Variants in TLK2 observed in about 807,000 individuals in gnomAD.
The protein encoded by TLK2 is serine/threonine-protein kinase tousled-like 2.
In TLK2, 6 loss-of-function variants were observed where a neutral mutation model predicts 117.3. The ratio of observed to expected loss-of-function variants is 0.05; its 90% CI spans 0.03 to 0.10. The LOEUF (loss-of-function observed/expected upper bound fraction) is 0.10. TLK2 is among the 10% of genes least tolerant of loss of function. TLK2 has a pLI of 1.00. For synonymous variants in TLK2, 257 were observed against 316.7 expected, an observed-to-expected ratio of 0.81 and a Z score of 2.00; for missense variants, 299 against 901.2, an observed-to-expected ratio of 0.33 and a Z score of 8.56.
At chr17:62,473,204 G>C (rs1484077235) in intron 1 of TLK2, among the ~76,000 whole-genome samples, 3 of 152,166 alleles carry the variant, frequency 2.0e-5, no homozygotes, top group African/African-American at 7.2e-5. Context: ...TCACTGCAGA[G>C]AAGGGCATAG....
chr17:62,541,190 G>C (rs1431913293), intron 7 of TLK2, among the ~76,000 whole-genome samples: 1 of 152,118 alleles, frequency 6.6e-6, no homozygotes, highest in Admixed American at 6.5e-5. Context: ...CTGTTACTGA[G>C]CTCCTAGGCC....
chr17:62,590,395 C>T (rs1258717545), intron 16 of TLK2, among the ~76,000 whole-genome samples: 4 of 152,054 alleles, frequency 2.6e-5, no homozygotes, highest in Non-Finnish European at 4.4e-5. Flanking sequence ...GCCAAGATCG[C>T]GCCACTGTAT....
At chr17:62,574,866 CA>C (rs1167047852) in intron 12 of TLK2, among the ~76,000 whole-genome samples, 2 of 152,082 alleles carry the variant, frequency 1.3e-5, no homozygotes, top group Non-Finnish European at 2.9e-5. Flanking sequence ...AAAGACTAGT[CA>C]AGTGCAATAA....
intron 4 of TLK2, among the ~76,000 whole-genome samples, chr17:62,522,735 CA>C (rs1443618202): frequency 6.6e-6 from 1 of 152,076 alleles, no homozygotes; most frequent in Non-Finnish European, 1.5e-5. Flanking sequence ...GTTATAATGC[CA>C]AATATCTTTA....
At chr17:62,541,702 A>G (rs1299806580) in intron 7 of TLK2, among the ~76,000 whole-genome samples, 2 of 152,086 alleles carry the variant, frequency 1.3e-5, no homozygotes, top group African/African-American at 4.8e-5. Flanking sequence ...ATAGCATACT[A>G]TAGCCTTGGA....
intron 2 of TLK2, among the ~76,000 whole-genome samples, chr17:62,517,854 C>T (rs576191185): frequency 2.0e-5 from 3 of 152,158 alleles, no homozygotes; most frequent in South Asian, 2.1e-4. Context: ...TGCACCATCC[C>T]GCCCGACTAT....
At chr17:62,564,975 T>C in intron 10 of TLK2, 26 bp from the exon 11 acceptor site, 1 of 1,590,460 alleles carries the variant, frequency 6.3e-7, no homozygotes, top group Non-Finnish European at 8.5e-7. Flanking sequence ...GGTATTGAAT[T>C]CCTTTTTTTG....
intron 6 of TLK2, among the ~76,000 whole-genome samples, chr17:62,526,050 C>T (rs1384425434): frequency 1.3e-5 from 2 of 152,114 alleles, no homozygotes; most frequent in East Asian, 1.9e-4. Flanking sequence ...TGAATCTTAC[C>T]TGAAGACAAA....
intron 8 of TLK2, among the ~76,000 whole-genome samples, chr17:62,552,640 T>G (rs921052900): frequency 6.6e-6 from 1 of 151,978 alleles, no homozygotes; most frequent in African/African-American, 2.4e-5. Context: ...TGCTAAAGCA[T>G]GGTGTTAAGG....
chr17:62,518,597 G>A (rs1002358052), intron 2 of TLK2, among the ~76,000 whole-genome samples: 1 of 152,006 alleles, frequency 6.6e-6, no homozygotes, highest in Non-Finnish European at 1.5e-5. Flanking sequence ...TCCCAGCTAC[G>A]TGGGAGGCTG....
intron 2 of TLK2, among the ~76,000 whole-genome samples, chr17:62,484,860 T>C (rs1370964896): frequency 2.0e-5 from 3 of 151,790 alleles, no homozygotes; most frequent in Non-Finnish European, 4.4e-5. Context: ...ATCGAGACCA[T>C]CCTGGCTAAC....
At chr17:62,581,124 T>G (rs1203402225) in intron 15 of TLK2, among the ~76,000 whole-genome samples, 4 of 152,154 alleles carry the variant, frequency 2.6e-5, no homozygotes, top group African/African-American at 7.2e-5. Context: ...GCAAGCCTCC[T>G]GCCTCAACCT....
At chr17:62,547,062 TC>T (rs1398509551) in intron 7 of TLK2, among the ~76,000 whole-genome samples, 3 of 152,240 alleles carry the variant, frequency 2.0e-5, no homozygotes, top group Admixed American at 6.5e-5. Flanking sequence ...TTTATTTTTT[TC>T]ATCTTAAGAA....
chr17:62,565,281 G>A, intron 11 of TLK2, 144 bp downstream of exon 11: 1 of 1,053,270 alleles, frequency 9.5e-7, no homozygotes, highest in Non-Finnish European at 1.3e-6. Context: ...GGAAAGAAAT[G>A]TATCGAATGA....
intron 1 of TLK2, among the ~76,000 whole-genome samples, chr17:62,471,638 C>A (rs2070940745): frequency 9.4e-6 from 1 of 106,880 alleles, no homozygotes; most frequent in South Asian, 3.0e-4. Flanking sequence ...CTGGCGGGAA[C>A]AGGGAGTATC....
Position 62,572,606 on chromosome 17 carries a change from C to T in TLK2, c.969-609C>T, listed in dbSNP as rs146678548. Among the ~76,000 whole-genome samples the T allele has an allele frequency of 2.3e-3, 349 of 152,284 alleles. 1 individual carries two copies. Among genetic ancestry groups the T allele is most frequent in the African/African-American group, 8.1e-3 (335 of 41,556 alleles). On this transcript the variant is annotated intron_variant, in intron 11 of 21. Transcript: ENST00000346027. ...TAAGGAGTTCTTACTAGTTGGAAGA[C>T]TTCGTTGTGCTTTCTCCAAATGTAT...
At chr17:62,565,266 C>A in intron 11 of TLK2, 129 bp downstream of exon 11, 1 of 1,183,734 alleles carries the variant, frequency 8.4e-7, no homozygotes. Flanking sequence ...TTAGTCACCA[C>A]ATGTGGAAAG....
intron 12 of TLK2, chr17:62,574,229 C>A: frequency 7.0e-7 from 1 of 1,431,214 alleles, no homozygotes; most frequent in Non-Finnish European, 9.1e-7. Context: ...TTCTTTCATT[C>A]TAGTGAGAAA....
Position 62,578,532 on chromosome 17 carries a change from A to G in TLK2, c.1244A>G (p.His415Arg), listed in dbSNP as rs756195186. 1.2e-6 allele frequency: 2 copies of G among 1,613,880 alleles called. No individual in the cohort carries two copies. The highest frequency in any genetic ancestry group is 1.3e-5 in the African/African-American group (1 of 74,934). ...LERLERVRNL[H>R]IRELKRIHNE... is the part of the protein sequence containing the mutation. ...AGACTAGAAAGGGTTAGAAATCTAC[A>G]TATCAGGGAACTAAAAAGGATACAT... The change falls in exon 14 of 22, where the codon CAT (histidine) becomes CGT (arginine). Residue 415 changes from histidine (H) to arginine (R), a missense_variant. Coordinates refer to ENST00000346027, the MANE Select transcript of TLK2 (RefSeq NM_006852.6).
Sources: gnomAD v4.1 joint callset for allele counts (sites outside exome capture counted in the v4.1 genomes callset) on GRCh38, gnomAD v4.1.1 for gene constraint, MANE v1.5 for transcripts, NCBI Gene and HGNC (gene_info 2026-07-23, HGNC 2026-07-21) for gene names.